Variants in RMP64 observed in about 807,000 individuals in gnomAD.
The protein encoded by RMP64 is nucleolus and neural progenitor protein.
At chr3:113,018,018 G>A in the RMP64 span, among the ~76,000 whole-genome samples, 8 of 152,202 alleles carry the variant, frequency 5.3e-5, no homozygotes, top group Non-Finnish European at 1.2e-4. Context: ...CCGAAAGCAA[G>A]ACAGAATGAA....
chr3:113,003,729 G>A, the RMP64 span: 2 of 151,938 alleles, frequency 1.3e-5, no homozygotes, highest in Non-Finnish European at 2.9e-5. Context: ...AAGCTCCAAA[G>A]TTTATTTCAG....
chr3:113,013,451 GTTTTTTTTTTGTTTT>G, the RMP64 span: 1 of 1,260,876 alleles, frequency 7.9e-7, no homozygotes, highest in Non-Finnish European at 1.1e-6. Flanking sequence ...AAAAAAAAGG[GTTTTTTTTTTGTTTT>G]TTTTTTTTTT....
the RMP64 span, among the ~76,000 whole-genome samples, chr3:113,010,858 A>T: frequency 6.6e-6 from 1 of 152,194 alleles, no homozygotes; most frequent in Non-Finnish European, 1.5e-5. Context: ...AGAAACAAAT[A>T]AACAACTTAA....
chr3:113,008,491 C>T, the RMP64 span: 1 of 1,400,666 alleles, frequency 7.1e-7, no homozygotes, highest in African/African-American at 1.4e-5. Flanking sequence ...AATTATATGA[C>T]AACAAGGAAA....
At chr3:113,008,856 T>C in the RMP64 span, 1 of 163,812 alleles carries the variant, frequency 6.1e-6, no homozygotes, top group Admixed American at 5.7e-5. Context: ...AACACACATA[T>C]CTCACATACA....
chr3:113,010,574 C>T, the RMP64 span: 1 of 1,240,368 alleles, frequency 8.1e-7, no homozygotes, highest in Non-Finnish European at 1.2e-6. Flanking sequence ...TCAATCTCTG[C>T]CCTTGGTAAG....
At chr3:113,018,621 G>A in the RMP64 span, among the ~76,000 whole-genome samples, 1,918 of 152,160 alleles carry the variant, frequency 0.013, 39 homozygotes, top group African/African-American at 0.044. Flanking sequence ...TGAGGAAAGG[G>A]CTTTACCAGC....
At chr3:113,005,520 A>C in the RMP64 span, 1 of 1,491,622 alleles carries the variant, frequency 6.7e-7, no homozygotes. Flanking sequence ...TAAAAGTCTC[A>C]CATATGAACG....
the RMP64 span, chr3:113,011,442 T>C: frequency 6.6e-7 from 1 of 1,519,692 alleles, no homozygotes; most frequent in East Asian, 2.3e-5. Flanking sequence ...AATTAGCCAG[T>C]AATTACAATT....
At chr3:113,019,281 G>C in the RMP64 span, 1 of 508,312 alleles carries the variant, frequency 2.0e-6, no homozygotes, top group Non-Finnish European at 3.5e-6. Flanking sequence ...CCCCCTCAGC[G>C]CACGGCTGAG....
At chr3:113,018,876 G>A in the RMP64 span, among the ~76,000 whole-genome samples, 1 of 152,138 alleles carries the variant, frequency 6.6e-6, no homozygotes, top group African/African-American at 2.4e-5. Flanking sequence ...TCAAGCTCCA[G>A]CAAAGGGTAG....
the RMP64 span, chr3:113,010,741 G>A: frequency 7.2e-6 from 11 of 1,524,250 alleles, no homozygotes; most frequent in Non-Finnish European, 8.2e-6. Context: ...CAAAACCTTA[G>A]GCATACTATT....
chr3:113,013,135 G>C, the RMP64 span: 1 of 901,806 alleles, frequency 1.1e-6, no homozygotes, highest in African/African-American at 1.7e-5. Flanking sequence ...GAGAAAAGGA[G>C]GCCAAGAAGC....
the RMP64 span, among the ~76,000 whole-genome samples, chr3:113,010,186 A>G: frequency 1.3e-5 from 2 of 152,194 alleles, no homozygotes; most frequent in Admixed American, 1.3e-4. Context: ...AATGCTTACC[A>G]TACTCCAGAC....
At chr3:113,011,120 CT>C in the RMP64 span, 2 of 1,612,920 alleles carry the variant, frequency 1.2e-6, no homozygotes, top group Non-Finnish European at 1.7e-6. Flanking sequence ...ATTTGTTTAG[CT>C]TTTTTTGAAA....
At chr3:113,017,673 A>G in the RMP64 span, 1 of 1,329,920 alleles carries the variant, frequency 7.5e-7, no homozygotes, top group Non-Finnish European at 1.0e-6. Flanking sequence ...AAAACACACT[A>G]AAAAAAGCAT....
At chr3:113,013,186 T>C in the RMP64 span, 12 of 1,413,834 alleles carry the variant, frequency 8.5e-6, no homozygotes, top group Non-Finnish European at 1.2e-5. Flanking sequence ...TCCTATGGAG[T>C]GTTAGCTTTC....
the RMP64 span, chr3:113,011,366 A>G: frequency 2.5e-6 from 4 of 1,599,518 alleles, no homozygotes; most frequent in African/African-American, 2.7e-5. Context: ...AAAGGCTCAT[A>G]TAACAAAATC....
chr3:113,005,370 C>T, the RMP64 span: 2 of 597,324 alleles, frequency 3.3e-6, no homozygotes. Flanking sequence ...TGAAATGACA[C>T]AATGCTACTT....
Sources: gnomAD v4.1 joint callset for allele counts (sites outside exome capture counted in the v4.1 genomes callset) on GRCh38, gnomAD v4.1.1 for gene constraint, MANE v1.5 for transcripts, NCBI Gene and HGNC (gene_info 2026-07-23, HGNC 2026-07-21) for gene names.